The following DLGAP4 variants were observed in gnomAD, a reference collection of about 807,000 sequenced individuals.
DLGAP4 encodes the protein DLG associated protein 4.
DLGAP4 carries 18 observed loss-of-function variants against 86.9 expected under a neutral mutation model. The ratio of observed to expected loss-of-function variants is 0.21; its 90% CI spans 0.14 to 0.31. The LOEUF is 0.31. Among genes scored for constraint, DLGAP4 ranks in the 10% least tolerant of loss-of-function variants. The probability of loss-of-function intolerance (pLI) is 1.00; values close to 1 mark genes in which losing one functional copy is unlikely to be tolerated. For missense variants in DLGAP4, 1,085 were observed against 1,362.6 expected (o/e 0.80, Z 3.21); for synonymous variants, 548 against 574.3 (o/e 0.95, Z 0.65).
intron 2 of DLGAP4, among the ~76,000 whole-genome samples, chr20:36,381,108 G>A (rs147590489): frequency 7.1e-4 from 108 of 152,206 alleles, no homozygotes; most frequent in African/African-American, 2.5e-3. Flanking sequence ...TAAAATAATC[G>A]GCAACCTTTC....
chr20:36,348,354 T>C (rs2030013662), intron 1 of DLGAP4, among the ~76,000 whole-genome samples: 1 of 152,240 alleles, frequency 6.6e-6, no homozygotes, highest in Admixed American at 6.5e-5. Flanking sequence ...TATGGCCACC[T>C]TTTGAGTGCT....
intron 7 of DLGAP4, among the ~76,000 whole-genome samples, chr20:36,476,318 C>CTTTT (rs1028980966): frequency 8.4e-5 from 10 of 119,598 alleles, no homozygotes; most frequent in East Asian, 2.4e-4. Context: ...TGGCAACCAC[C>CTTTT]TTTTTTTTTT....
At chr20:36,454,156 G>C (rs1452766017) in intron 7 of DLGAP4, among the ~76,000 whole-genome samples, 1 of 151,420 alleles carries the variant, frequency 6.6e-6, no homozygotes, top group Non-Finnish European at 1.5e-5. Flanking sequence ...CTACTCGGGA[G>C]GCTGAGGCAG....
chr20:36,332,273 C>G (rs2065276559), intron 1 of DLGAP4, among the ~76,000 whole-genome samples: 1 of 152,156 alleles, frequency 6.6e-6, no homozygotes, highest in African/African-American at 2.4e-5. Flanking sequence ...GAGCCTCATC[C>G]TCTTCACCAA....
chr20:36,364,426 C>T (rs1230466744), intron 1 of DLGAP4, among the ~76,000 whole-genome samples: 1 of 152,164 alleles, frequency 6.6e-6, no homozygotes, highest in East Asian at 1.9e-4. Flanking sequence ...TACCATACAA[C>T]TCACCCATTA....
intron 2 of DLGAP4, among the ~76,000 whole-genome samples, chr20:36,416,120 TTTAC>T (rs1218445556): frequency 3.9e-5 from 6 of 152,178 alleles, no homozygotes; most frequent in Admixed American, 6.5e-5. Flanking sequence ...TATTTATTTA[TTTAC>T]TTACTTATTT....
chr20:36,492,469 C>CAGGGCGTCTGAGGGTGCTT (rs2035707445), intron 7 of DLGAP4: 1 of 152,394 alleles, frequency 6.6e-6, no homozygotes, highest in Non-Finnish European at 1.5e-5. Context: ...GGCCAGGGCT[C>CAGGGCGTCTGAGGGTGCTT]AGGGCGTCTG....
intron 2 of DLGAP4, among the ~76,000 whole-genome samples, chr20:36,427,814 G>C (rs185179780): frequency 2.0e-5 from 3 of 151,804 alleles, no homozygotes; most frequent in Non-Finnish European, 4.4e-5. Flanking sequence ...GTGGTGGTGC[G>C]TGCCTATAAT....
chr20:36,345,358 C>A (rs1474114471), intron 1 of DLGAP4, among the ~76,000 whole-genome samples: 1 of 152,190 alleles, frequency 6.6e-6, no homozygotes, highest in Non-Finnish European at 1.5e-5. Flanking sequence ...GTGGACAAAC[C>A]AAGGTCAGGG....
At chr20:36,349,433 A>AC (rs2030067666) in intron 1 of DLGAP4, among the ~76,000 whole-genome samples, 1 of 151,966 alleles carries the variant, frequency 6.6e-6, no homozygotes, top group African/African-American at 2.4e-5. Context: ...AAAAAAAAAA[A>AC]AGTGAGATGG....
chr20:36,500,255 A>G lies in DLGAP4; in HGVS notation c.2156A>G (p.Gln719Arg), dbSNP rs769619030. ...SSRRDTDSDT[Q>R]DANDSSCKSS... is the part of the protein sequence containing the mutation. ...CGACGGGACACAGACTCGGATACCC[A>G]GGATGCCAATGACTCAAGCTGTAAG... Residue 719 changes from glutamine (Q) to arginine (R), a missense_variant, in exon 10 of 13, where the codon CAG becomes CGG. By Grantham distance (43) the Gln-to-Arg change is conservative. Transcript: ENST00000339266. The surrounding 1 kb of genome is among the most constrained non-coding windows in gnomAD (Gnocchi z 4.6). The G allele has an allele frequency of 5.6e-6, 9 of 1,599,698 alleles. No individual in the cohort carries two copies. The East Asian group carries it at 1.6e-4, about 28-fold the overall frequency.
At chr20:36,439,648 G>GGCATCACAGGTGTGGACCACCTGT in intron 4 of DLGAP4, 106 bp from the exon 5 acceptor site, 2 of 909,260 alleles carry the variant, frequency 2.2e-6, no homozygotes, top group Non-Finnish European at 3.4e-6. Context: ...GGCTGCAGCG[G>GGCATCACAGGTGTGGACCACCTGT]GCATCACAGG....
intron 11 of DLGAP4, 56 bp downstream of exon 11, chr20:36,524,397 A>G: frequency 1.4e-6 from 2 of 1,472,410 alleles, no homozygotes; most frequent in Non-Finnish European, 1.9e-6. Context: ...GCTGCCCACT[A>G]TACTCTGCCA....
chr20:36,442,675 C>G (rs1600535669), intron 5 of DLGAP4, 52 bp from the exon 6 acceptor site: 1 of 1,602,440 alleles, frequency 6.2e-7, no homozygotes, highest in East Asian at 2.2e-5. Flanking sequence ...GAATCCCCCA[C>G]CCCAGCCCCA....
intron 7 of DLGAP4, among the ~76,000 whole-genome samples, chr20:36,454,475 A>G (rs964895571): frequency 1.3e-5 from 2 of 152,046 alleles, no homozygotes; most frequent in Non-Finnish European, 2.9e-5. Context: ...TTGTACAACC[A>G]TATATGGCGA....
intron 2 of DLGAP4, among the ~76,000 whole-genome samples, chr20:36,418,332 C>A (rs185665046): frequency 6.6e-6 from 1 of 151,806 alleles, no homozygotes; most frequent in Non-Finnish European, 1.5e-5. Context: ...AGGCTAGTCT[C>A]GAATTCCTGA....
intron 1 of DLGAP4, among the ~76,000 whole-genome samples, chr20:36,326,811 A>AT (rs1325793831): frequency 6.6e-6 from 1 of 151,700 alleles, no homozygotes; most frequent in African/African-American, 2.4e-5. Context: ...TTTTGCCTTC[A>AT]TTTTTTTAAG....
At chr20:36,523,513 C>T (rs753658330) in intron 10 of DLGAP4, among the ~76,000 whole-genome samples, 5 of 152,138 alleles carry the variant, frequency 3.3e-5, no homozygotes, top group Admixed American at 1.3e-4. Flanking sequence ...CATCATTTTC[C>T]ATGTTTATTT....
chr20:36,309,551 G>A (rs2147328481), intron 1 of DLGAP4, among the ~76,000 whole-genome samples: 1 of 152,346 alleles, frequency 6.6e-6, no homozygotes, highest in African/African-American at 2.4e-5. Context: ...ATCTGTGGGA[G>A]TTACAGGCCT....
Sources: allele counts gnomAD v4.1 joint callset (sites outside exome capture counted in the v4.1 genomes callset), GRCh38; gene constraint gnomAD v4.1.1; non-coding constraint Gnocchi (gnomAD v3.1); transcripts MANE v1.5; gene names NCBI Gene and HGNC (gene_info 2026-07-23, HGNC 2026-07-21).